IFT122: variants seen among roughly 807,000 people sequenced by gnomAD.
IFT122 encodes the protein intraflagellar transport 122, also known as intraflagellar transport protein 122 homolog.
Under a neutral mutation model 161.6 loss-of-function variants are expected in IFT122, and 118 were observed. The ratio of observed to expected loss-of-function variants is 0.73; its 90% CI spans 0.63 to 0.85. The LOEUF (loss-of-function observed/expected upper bound fraction) is 0.85, where lower values mean the gene tolerates loss of function less well. Ranked by LOEUF, IFT122 falls within the 40% of genes least tolerant of loss-of-function variation. The probability of loss-of-function intolerance (pLI) is 0.00; values close to 1 mark genes in which losing one functional copy is unlikely to be tolerated. For missense variants in IFT122, 1,381 were observed against 1,579.6 expected (o/e 0.87, Z 2.13); for synonymous variants, 550 against 602.4 (o/e 0.91, Z 1.27).
At chr3:129,483,862 G>C in intron 15 of IFT122, 180 bp downstream of exon 15, 1 of 684,508 alleles carries the variant, frequency 1.5e-6, no homozygotes, top group Non-Finnish European at 2.6e-6. Context: ...TGCAACCTGT[G>C]TGACTGGGGG....
In IFT122 at chr3:129,519,258, C is replaced by G. The variant is rs911592179; in HGVS notation, c.3471+72C>G. The G allele has an allele frequency of 6.7e-6, 9 of 1,335,296 alleles. No homozygotes were observed. The Admixed American group carries it at 1.0e-4, about 15-fold the overall frequency. The allele number at this position is 1,335,296 out of a possible 1,614,324, so 82.7% of individuals were successfully genotyped here. Reference sequence around the variant, plus strand: ...CTTCTCCTGTGCACATGGGGACCCTCAGCTAGCGCAGTGGTGGAGGAGGAT... The same window carrying G: ...CTTCTCCTGTGCACATGGGGACCCTGAGCTAGCGCAGTGGTGGAGGAGGAT... On this transcript the variant is annotated intron_variant, in intron 28 of 29. Transcript: ENST00000348417.
At chr3:129,459,351 A>G (rs998282185) in intron 4 of IFT122, 10 of 444,228 alleles carry the variant, frequency 2.3e-5, no homozygotes, top group Middle Eastern at 7.0e-4. Context: ...GTGCAGTGGC[A>G]CGATCTCGGC....
intron 12 of IFT122, among the ~76,000 whole-genome samples, chr3:129,479,461 A>G (rs2078371807): frequency 6.6e-6 from 1 of 151,994 alleles, no homozygotes; most frequent in Non-Finnish European, 1.5e-5. Context: ...ATAAATAATC[A>G]AAGTTAGAAC....
rs1474360991 is a variant in IFT122 at position 129,476,418 on chromosome 3, T to C, written c.920T>C (p.Phe307Ser). 11 of 1,614,030 alleles carry C rather than the reference T, an allele frequency of 6.8e-6. No homozygotes were observed. The highest frequency in any genetic ancestry group is 9.3e-6 in the Non-Finnish European group (11 of 1,180,038). ...LGGSDKQVSLFTKDGVRLGTV... is the reference protein window; with the variant it reads ...LGGSDKQVSLSTKDGVRLGTV... ...GGTTCAGACAAGCAAGTATCTCTTT[T>C]CACCAAGGATGGAGTGCGGCTTGGG... Residue 307 changes from phenylalanine (F) to serine (S), a missense_variant, in exon 10 of 30, where the codon TTC becomes TCC. Around this residue, in one of 7 missense-constraint regions of IFT122, gnomAD observed 544 missense variants for 648.0 expected, o/e 0.84. Transcript: ENST00000348417.
chr3:129,457,682 T>C (rs555565010), intron 3 of IFT122, among the ~76,000 whole-genome samples: 2 of 151,896 alleles, frequency 1.3e-5, no homozygotes, highest in African/African-American at 4.8e-5. Context: ...TTGCACAGCA[T>C]GGTGACCATA....
chr3:129,513,071 G>A, intron 24 of IFT122: 1 of 157,034 alleles, frequency 6.4e-6, no homozygotes, highest in Non-Finnish European at 1.4e-5. Context: ...GAGGGTGAGG[G>A]GACCCTGGGT....
At chr3:129,491,663 G>A (rs1439180706) in intron 16 of IFT122, among the ~76,000 whole-genome samples, 1 of 152,112 alleles carries the variant, frequency 6.6e-6, no homozygotes, top group East Asian at 1.9e-4. Context: ...GGTACCAGGG[G>A]CTCTGGGTCC....
intron 14 of IFT122, 29 bp from the exon 15 acceptor site, chr3:129,483,456 A>C (rs372993310): frequency 5.0e-6 from 8 of 1,608,878 alleles, no homozygotes; most frequent in Non-Finnish European, 6.8e-6. Context: ...GGTGGTTCTC[A>C]CAGGATCCCC....
Position 129,440,363 on chromosome 3 carries a change from C to A in IFT122, c.33C>A (p.Ala11=). 1 of 1,550,682 alleles carries A rather than the reference C, an allele frequency of 6.4e-7. No homozygotes were observed. Among genetic ancestry groups the A allele is most frequent in the Non-Finnish European group, 8.7e-7 (1 of 1,146,824 alleles). ...CCGTGTTGACGTGGAGAGATAAAGC[C>A]GAGCACTGGTGAGGAGCGGGGCGGT... The part of the protein sequence containing the change: MRAVLTWRDK[A]EHCINDIAFK... The change falls in exon 1 of 30, where the codon GCC becomes GCA. Residue 11 remains alanine (A), a synonymous_variant. Transcript: ENST00000348417.
chr3:129,512,011 C>T (rs1230039245), intron 23 of IFT122, among the ~76,000 whole-genome samples: 3 of 152,212 alleles, frequency 2.0e-5, no homozygotes, highest in African/African-American at 7.2e-5. Context: ...GCTTTGGAAT[C>T]AGACCTGGGT....
chr3:129,456,282 G>A lies in IFT122; in HGVS notation c.194-2317G>A, dbSNP rs1014188576. 2.4e-6 allele frequency: 3 copies of A among 1,245,662 alleles called. No homozygotes were observed. The Admixed American group carries it at 8.6e-5, about 36-fold the overall frequency. The allele number at this position is 1,245,662 out of a possible 1,614,324, so 77.2% of individuals were successfully genotyped here. A position where few individuals can be genotyped will look rare whatever the true frequency, so the allele number is the denominator to read the frequency against. On this transcript the variant is annotated intron_variant, in intron 3 of 29. Transcript: ENST00000348417. ...TGGAAATAGTAAGAGCAGTTTCTTT[G>A]TTTATTTAGTATTTGCAGCAATATC...
intron 9 of IFT122, among the ~76,000 whole-genome samples, chr3:129,472,511 T>G (rs1345283858): frequency 6.6e-6 from 1 of 152,162 alleles, no homozygotes; most frequent in Non-Finnish European, 1.5e-5. Flanking sequence ...TTAAAGTGTA[T>G]ATTATTTAAG....
chr3:129,446,417 G>T (rs187267595), intron 1 of IFT122, among the ~76,000 whole-genome samples: 3 of 151,960 alleles, frequency 2.0e-5, no homozygotes, highest in Non-Finnish European at 4.4e-5. Flanking sequence ...GGGTTTCACC[G>T]TGTTAGCCAG....
At chr3:129,466,240 T>G (rs1358320598) in intron 7 of IFT122, among the ~76,000 whole-genome samples, 1 of 152,162 alleles carries the variant, frequency 6.6e-6, no homozygotes, top group African/African-American at 2.4e-5. Context: ...CCTACTTGAT[T>G]TAGAAGGTTG....
intron 18 of IFT122, among the ~76,000 whole-genome samples, chr3:129,496,923 A>C (rs1027064928): frequency 6.6e-6 from 1 of 152,188 alleles, no homozygotes; most frequent in African/African-American, 2.4e-5. Flanking sequence ...AAGACCCTAG[A>C]GGTAGAATTT....
chr3:129,498,957 G>A (rs1403616924), intron 18 of IFT122, among the ~76,000 whole-genome samples: 1 of 152,232 alleles, frequency 6.6e-6, no homozygotes, highest in East Asian at 1.9e-4. Context: ...GTGTTCTGAG[G>A]CTGTTTCTCA....
chr3:129,490,470 G>C lies in IFT122; in HGVS notation c.1993-1671G>C, dbSNP rs535405151. Among the ~76,000 whole-genome samples the C allele has an allele frequency of 5.9e-5, 9 of 152,322 alleles. No homozygotes were observed. In the South Asian group the frequency reaches 1.2e-3, roughly 21 times the overall value. ...TTCCCTCTGCTGAGCTCATTCAGGG[G>C]CCTTGTGACTCTGACCAGGCACCCT... On this transcript the variant is annotated intron_variant, in intron 16 of 29. Transcript: ENST00000348417.
chr3:129,479,738 G>T, intron 12 of IFT122, 47 bp from the exon 13 acceptor site: 1 of 1,612,672 alleles, frequency 6.2e-7, no homozygotes, highest in Non-Finnish European at 8.5e-7. Context: ...AGGTCTGGGG[G>T]CACTTATTCT....
chr3:129,465,670 C>T (rs1400864698), intron 7 of IFT122, among the ~76,000 whole-genome samples: 1 of 90,218 alleles, frequency 1.1e-5, no homozygotes, highest in Non-Finnish European at 1.8e-5. Flanking sequence ...GAGTCTCGCT[C>T]TGTCGCCCAG....
Sources: allele counts gnomAD v4.1 joint callset (sites outside exome capture counted in the v4.1 genomes callset), GRCh38; gene constraint gnomAD v4.1.1; regional missense constraint gnomAD v4.1.1; transcripts MANE v1.5; gene names NCBI Gene and HGNC (gene_info 2026-07-23, HGNC 2026-07-21).